The following SLC9B1 variants were observed in gnomAD, a reference collection of about 807,000 sequenced individuals.
The protein encoded by SLC9B1 is solute carrier family 9 member B1.
SLC9B1 carries 32 observed loss-of-function variants against 51.7 expected under a neutral mutation model. The observed-to-expected ratio is 0.62, with a 90% CI of 0.47 to 0.83. The LOEUF (loss-of-function observed/expected upper bound fraction) is 0.83. SLC9B1 is among the 40% of genes least tolerant of loss of function. SLC9B1 has a pLI of 0.00. For synonymous variants in SLC9B1, 145 were observed against 212.7 expected, an observed-to-expected ratio of 0.68 and a Z score of 2.77; for missense variants, 406 against 613.2, an observed-to-expected ratio of 0.66 and a Z score of 3.57.
At chr4:102,958,201 T>C (rs1325408872) in intron 3 of SLC9B1, among the ~76,000 whole-genome samples, 2 of 152,200 alleles carry the variant, frequency 1.3e-5, no homozygotes, top group Non-Finnish European at 2.9e-5. Context: ...GAATGGTTAG[T>C]ACCATCCTCT....
chr4:102,912,350 A>G (rs1186525032), intron 7 of SLC9B1, among the ~76,000 whole-genome samples: 6 of 151,742 alleles, frequency 4.0e-5, no homozygotes, highest in African/African-American at 1.5e-4. Context: ...TCAAGGGTCA[A>G]TTAAGATTTC....
At position 102,975,586 on chromosome 4, in the gene SLC9B1, A is replaced by ATTTTTTTTTTTTT. The variant is rs1197166005; in HGVS notation, c.211+14201_211+14213dup. Among the ~76,000 whole-genome samples the ATTTTTTTTTTTTT allele has an allele frequency of 5.3e-4, 33 of 62,306 alleles. 1 individual carries two copies. Among genetic ancestry groups the ATTTTTTTTTTTTT allele is most frequent in the African/African-American group, 8.2e-4 (11 of 13,388 alleles). The allele number at this position is 62,306 out of a possible 152,430, so 40.9% of individuals were successfully genotyped here. A position where few individuals can be genotyped will look rare whatever the true frequency, so the allele number is the denominator to read the frequency against. ...TATACATATATATATATATATATAT[A>ATTTTTTTTTTTTT]TTTTTTTTTTTTTTTTTTTTTTTGA... On this transcript the variant is annotated intron_variant, in intron 3 of 11. Transcript: ENST00000296422.
intron 3 of SLC9B1, among the ~76,000 whole-genome samples, chr4:102,970,139 A>G (rs1438448702): frequency 6.6e-6 from 1 of 152,196 alleles, no homozygotes; most frequent in African/African-American, 2.4e-5. Context: ...TACAGAAAAC[A>G]TCACAAAGAT....
chr4:102,897,216 T>C (rs1301188385), downstream of SLC9B1: 1 of 153,426 alleles, frequency 6.5e-6, no homozygotes, highest in African/African-American at 2.4e-5. Flanking sequence ...TAACAAAGTG[T>C]TAACATTTAT....
chr4:102,955,910 AG>A, intron 3 of SLC9B1, among the ~76,000 whole-genome samples: 1 of 151,688 alleles, frequency 6.6e-6, no homozygotes, highest in Non-Finnish European at 1.5e-5. Flanking sequence ...AGAGAGAGAA[AG>A]ACCCACATGC....
At chr4:102,891,161 T>C (rs1287048978) in intron 11 of SLC9B1, 1 of 150,062 alleles carries the variant, frequency 6.7e-6, no homozygotes, top group Non-Finnish European at 1.5e-5. Context: ...TAAGTCAAGT[T>C]CAAATTAAGT....
chr4:102,999,425 T>G (rs1429624707), intron 1 of SLC9B1, among the ~76,000 whole-genome samples: 1 of 152,238 alleles, frequency 6.6e-6, no homozygotes, highest in Non-Finnish European at 1.5e-5. Flanking sequence ...GTTTTAATAT[T>G]TTTAGTTTTT....
At chr4:102,915,896 G>T (rs1053176767) in intron 7 of SLC9B1, among the ~76,000 whole-genome samples, 1 of 152,120 alleles carries the variant, frequency 6.6e-6, no homozygotes, top group African/African-American at 2.4e-5. Flanking sequence ...ATGTTTTCAT[G>T]TAATTCTACA....
chr4:102,940,043 G>A (rs1318769116), intron 6 of SLC9B1, among the ~76,000 whole-genome samples: 1 of 152,126 alleles, frequency 6.6e-6, no homozygotes, highest in Non-Finnish European at 1.5e-5. Flanking sequence ...CATCTAAATA[G>A]GAAGAATGGA....
intron 3 of SLC9B1, among the ~76,000 whole-genome samples, chr4:102,961,161 T>C (rs940712482): frequency 3.3e-4 from 50 of 152,346 alleles, no homozygotes; most frequent in African/African-American, 1.2e-3. Context: ...CAGTTCATTG[T>C]GCTATATAAA....
At chr4:102,944,210 C>T (rs1250438705) in intron 6 of SLC9B1, among the ~76,000 whole-genome samples, 2 of 151,948 alleles carry the variant, frequency 1.3e-5, no homozygotes, top group African/African-American at 2.4e-5. Context: ...AGGGAACAAT[C>T]GTCACTAGGT....
At chr4:102,927,039 C>G (rs1299927922) in intron 7 of SLC9B1, among the ~76,000 whole-genome samples, 2 of 152,192 alleles carry the variant, frequency 1.3e-5, no homozygotes, top group African/African-American at 2.4e-5. Flanking sequence ...GGAAAACTGG[C>G]TAGCCATATG....
At chr4:102,953,860 G>A (rs1737643831) in intron 3 of SLC9B1, among the ~76,000 whole-genome samples, 1 of 22,164 alleles carries the variant, frequency 4.5e-5, no homozygotes, top group Non-Finnish European at 6.8e-5. Context: ...ATCAGCTTAA[G>A]GAGATTTTGG....
chr4:102,926,628 C>T (rs1283813963), intron 7 of SLC9B1, among the ~76,000 whole-genome samples: 1 of 152,132 alleles, frequency 6.6e-6, no homozygotes, highest in Non-Finnish European at 1.5e-5. Context: ...ATATTCCATG[C>T]TCATGGATAG....
intron 5 of SLC9B1, among the ~76,000 whole-genome samples, chr4:102,945,857 C>A (rs1374506575): frequency 2.0e-5 from 3 of 151,838 alleles, no homozygotes; most frequent in Non-Finnish European, 4.4e-5. Flanking sequence ...ACCACATTTG[C>A]CACATTTATT....
intron 8 of SLC9B1, 113 bp downstream of exon 8, chr4:102,911,318 G>T (rs1200512405): frequency 1.9e-5 from 13 of 692,156 alleles, no homozygotes; most frequent in Non-Finnish European, 3.1e-5. Context: ...GGCATTGGAG[G>T]CTAGTTTTAG....
chr4:102,919,341 T>A (rs1374658255), intron 7 of SLC9B1, among the ~76,000 whole-genome samples: 1 of 152,222 alleles, frequency 6.6e-6, no homozygotes. Flanking sequence ...ACCATATTTT[T>A]GTGAATGCAT....
intron 3 of SLC9B1, among the ~76,000 whole-genome samples, chr4:102,988,397 T>C (rs1739770387): frequency 6.6e-6 from 1 of 152,184 alleles, no homozygotes; most frequent in Non-Finnish European, 1.5e-5. Flanking sequence ...ACACATGTGG[T>C]ATTGGTGAAT....
chr4:102,893,194 A>G (rs1447181041), intron 11 of SLC9B1, among the ~76,000 whole-genome samples: 1 of 143,788 alleles, frequency 7.0e-6, no homozygotes, highest in Non-Finnish European at 1.5e-5. Flanking sequence ...AGGTGGAAGA[A>G]TCGCTTGAAT....
Sources: allele counts gnomAD v4.1 joint callset (sites outside exome capture counted in the v4.1 genomes callset), GRCh38; gene constraint gnomAD v4.1.1; transcripts MANE v1.5; gene names NCBI Gene and HGNC (gene_info 2026-07-23, HGNC 2026-07-21).